Variants in SART1 observed in about 807,000 individuals in gnomAD.
SART1 encodes U4/U6.U5 tri-snRNP-associated protein 1.
Under a neutral mutation model 105.0 loss-of-function variants are expected in SART1, and 28 were observed. That is an observed-to-expected ratio of 0.27 (90% CI 0.20 to 0.37). SART1 has a LOEUF of 0.37. SART1 is among the 10% of genes least tolerant of loss of function. SART1 has a pLI of 1.00. For missense variants in SART1, 894 were observed against 1,106.5 expected (o/e 0.81, Z 2.72); for synonymous variants, 472 against 462.9 (o/e 1.02, Z -0.25).
chr11:65,965,617 T>C (rs1855234550), intron 5 of SART1, 85 bp from the exon 6 acceptor site: 2 of 1,442,850 alleles, frequency 1.4e-6, no homozygotes, highest in Non-Finnish European at 1.9e-6. Flanking sequence ...CCTGCCCTTT[T>C]TGCACTCCGC....
rs578051718 is a variant in SART1, at chr11:65,961,839, C to T, written c.59C>T (p.Ala20Val). The T allele has an allele frequency of 1.5e-5, 24 of 1,569,758 alleles. No individual in the cohort carries two copies. The African/African-American group carries it at 2.8e-4, about 19-fold the overall frequency. Reference protein sequence around the residue: ...EKEAAGTTAAAGTGGATEQPP... With the variant: ...EKEAAGTTAAVGTGGATEQPP... The stretch of plus-strand genomic sequence containing the variant: ...GAGGCGGCCGGGACGACGGCGGCGG[C>T]CGGCACCGGGGGTGCCACCGAGCAG... Residue 20 changes from alanine (A) to valine (V), a missense_variant, in exon 1 of 20, where the codon GCC (alanine) becomes GTC (valine). Ala to Val is a moderately conservative substitution (Grantham distance 64). Transcript: ENST00000312397.
chr11:65,979,973 CGTG>C lies in SART1; in HGVS notation c.*950_*952del, dbSNP rs1369480354. ...ACCAAAAATACAAAGATTAGCCAGG[CGTG>C]GTGGTGAGCGCCTGTAGTCCCAGCT... On this transcript the variant is annotated 3_prime_UTR_variant, in exon 20 of 20. Coordinates refer to ENST00000312397, the MANE Select transcript of SART1 (RefSeq NM_005146.5). 6.6e-6 allele frequency: 1 copy of C among 151,966 alleles called. No homozygotes were observed. Among genetic ancestry groups the C allele is most frequent in the Non-Finnish European group, 1.5e-5 (1 of 68,006 alleles). 9.4% of individuals were successfully genotyped at this position (151,966 alleles called of 1,614,324 possible).
intron 15 of SART1, 75 bp downstream of exon 15, chr11:65,977,176 C>T (rs887731999): frequency 4.6e-6 from 5 of 1,078,008 alleles, no homozygotes; most frequent in Middle Eastern, 2.6e-4. Context: ...CCCCTCCGGT[C>T]CCCTCTGCTG....
intron 2 of SART1, 161 bp from the exon 3 acceptor site, chr11:65,964,354 C>T (rs1855205550): frequency 2.2e-6 from 2 of 919,070 alleles, no homozygotes; most frequent in African/African-American, 3.3e-5. Flanking sequence ...ATGTTTCCTG[C>T]TTTGGAGGCC....
At chr11:65,966,880 G>T (rs1251834772) in intron 9 of SART1, among the ~76,000 whole-genome samples, 2 of 152,154 alleles carry the variant, frequency 1.3e-5, no homozygotes, top group Non-Finnish European at 2.9e-5. Flanking sequence ...GAGGATGAGT[G>T]ACAGCGTGGG....
chr11:65,973,685 G>T (rs1412759446), intron 12 of SART1, among the ~76,000 whole-genome samples: 1 of 152,226 alleles, frequency 6.6e-6, no homozygotes, highest in Non-Finnish European at 1.5e-5. Flanking sequence ...CAGTGGGCCT[G>T]CAGCCGCAGT....
At position 65,976,605 on chromosome 11, in the gene SART1, G is replaced by C. The variant is rs1468956559; in HGVS notation, c.1746+37G>C. On this transcript the variant is annotated intron_variant, in intron 13 of 19. Coordinates refer to ENST00000312397, the MANE Select transcript of SART1 (RefSeq NM_005146.5). This position sits in a 1 kb window ranked among gnomAD's most constrained non-coding sequence, Gnocchi z 5.1. The stretch of plus-strand genomic sequence containing the variant: ...GCGGCCCCGCCCTCTGCTTCCCTCG[G>C]CTGGGTGGGCTGGCTGGGGCCTGGG... 1 of 1,613,482 alleles carries C rather than the reference G, an allele frequency of 6.2e-7. No individual in the cohort carries two copies.
chr11:65,976,272 G>C lies in SART1; in HGVS notation c.1573-123G>C. 1 of 949,408 alleles carries C rather than the reference G, an allele frequency of 1.1e-6. No individual in the cohort carries two copies. The allele number at this position is 949,408 out of a possible 1,614,324, so 58.8% of individuals were successfully genotyped here. ...GGAGTTAGGCGGCAGATAGCAGCTG[G>C]GCCTGCATGGGCTGTGGGCGTGGCC... On this transcript the variant is annotated intron_variant, in intron 12 of 19. Coordinates refer to ENST00000312397, the MANE Select transcript of SART1 (RefSeq NM_005146.5). The surrounding 1 kb of genome is among the most constrained non-coding windows in gnomAD (Gnocchi z 5.1).
At position 65,976,753 on chromosome 11, in the gene SART1, A is replaced by C; in HGVS notation, c.1844A>C (p.Lys615Thr). 1 of 1,610,448 alleles carries C rather than the reference A, an allele frequency of 6.2e-7. No individual in the cohort carries two copies. Reference sequence around the variant, plus strand: ...AGCACGGTGAACCTGGACGAGGAGAAGCAGCAGCAGGATGTGAGGGCCGCG... The same window carrying C: ...AGCACGGTGAACCTGGACGAGGAGACGCAGCAGCAGGATGTGAGGGCCGCG... ...GWSTVNLDEE[K>T]QQQDFSASST... Residue 615 changes from lysine (K) to threonine (T), a missense_variant, in exon 14 of 20, where the codon AAG becomes ACG. Coordinates refer to ENST00000312397, the MANE Select transcript of SART1 (RefSeq NM_005146.5). The surrounding 1 kb of genome is among the most constrained non-coding windows in gnomAD (Gnocchi z 5.1).
At chr11:65,971,280 G>A (rs1590639763) in intron 12 of SART1, among the ~76,000 whole-genome samples, 3 of 11,074 alleles carry the variant, frequency 2.7e-4, no homozygotes, top group African/African-American at 2.2e-3. Context: ...CTGAGGAGGG[G>A]GATGGTGGGA....
chr11:65,970,614 T>C (rs1855355196), intron 12 of SART1, among the ~76,000 whole-genome samples: 1 of 117,822 alleles, frequency 8.5e-6, no homozygotes, highest in South Asian at 2.8e-4. Flanking sequence ...CCATGGCCGA[T>C]TGTTCTGGTG....
intron 12 of SART1, among the ~76,000 whole-genome samples, chr11:65,969,546 C>T (rs1429536789): frequency 6.6e-6 from 1 of 152,172 alleles, no homozygotes. Context: ...AACTCCTGGG[C>T]TCAAGGGATC....
At position 65,967,769 on chromosome 11, in the gene SART1, G is replaced by A. The variant is rs1446162406; in HGVS notation, c.1520G>A (p.Arg507His). The part of the protein sequence containing the change: ...LELQKQLEKG[R>H]RLRQLQQLQQ... The stretch of plus-strand genomic sequence containing the variant: ...CTGCAGAAGCAGCTGGAGAAGGGAC[G>A]CCGGCTGCGACAGTTACAGCAGCTA... Residue 507 changes from arginine (R) to histidine (H), a missense_variant, in exon 12 of 20, where the codon CGC becomes CAC. Transcript: ENST00000312397. The A allele has an allele frequency of 1.5e-5, 24 of 1,550,154 alleles. No homozygotes were observed. Among genetic ancestry groups the A allele is most frequent in the East Asian group, 1.5e-4 (6 of 41,138 alleles).
At position 65,966,232 on chromosome 11, in the gene SART1, A is replaced by C. The variant is rs1302960391; in HGVS notation, c.981+14A>C. 1 of 1,613,930 alleles carries C rather than the reference A, an allele frequency of 6.2e-7. No individual in the cohort carries two copies. Among genetic ancestry groups the C allele is most frequent in the Non-Finnish European group, 8.5e-7 (1 of 1,179,996 alleles). On this transcript the variant is annotated intron_variant, in intron 8 of 19. Coordinates refer to ENST00000312397, the MANE Select transcript of SART1 (RefSeq NM_005146.5). ...GACCTGGCGCAGGCACGGCCTGGGC[A>C]GGCTGGGTGGCGGGGGCTGAGGTGG...
chr11:65,962,126 C>CGGGGGGGGGGGGGGGGGG, intron 1 of SART1, 33 bp downstream of exon 1: 6 of 25,810 alleles, frequency 2.3e-4, no homozygotes, highest in Non-Finnish European at 2.6e-4. Flanking sequence ...GGGGGCGGGT[C>CGGGGGGGGGGGGGGGGGG]GGGCGGGGGT....
intron 15 of SART1, 54 bp downstream of exon 15, chr11:65,977,155 G>A (rs1855499523): frequency 7.5e-7 from 1 of 1,342,260 alleles, no homozygotes; most frequent in Admixed American, 1.7e-5. Context: ...TGCTGCAGGT[G>A]CAGGCAGGGC....
intron 9 of SART1, 136 bp downstream of exon 9, chr11:65,966,692 A>T (rs1190559462): frequency 9.8e-7 from 1 of 1,016,676 alleles, no homozygotes; most frequent in East Asian, 2.7e-5. Context: ...TGAGCACTAA[A>T]TGGCAACCGG....
Position 65,978,700 on chromosome 11 carries a change from T to C in SART1, c.2262+11T>C. 1 of 1,612,896 alleles carries C rather than the reference T, an allele frequency of 6.2e-7. No individual in the cohort carries two copies. The highest frequency in any genetic ancestry group is 8.5e-7 in the Non-Finnish European group (1 of 1,179,476). ...CTGGACGAGGAGGCGGTGGGTGCCC[T>C]TGGGGATGTGGGGGGCCCTGTGCCT... On this transcript the variant is annotated intron_variant, in intron 18 of 19. Transcript: ENST00000312397. The surrounding 1 kb of genome is among the most constrained non-coding windows in gnomAD (Gnocchi z 6.8).
At position 65,965,703 on chromosome 11, in the gene SART1, C is replaced by T; in HGVS notation, c.662C>T (p.Ala221Val). 6.2e-7 allele frequency: 1 copy of T among 1,613,614 alleles called. No homozygotes were observed. Among genetic ancestry groups the T allele is most frequent in the Non-Finnish European group, 8.5e-7 (1 of 1,179,814 alleles). ...AGGTCACCCCTCCCTGTCCCGTAGG[C>T]CAAGTTACTGGAGGAGATGGACCAA... Reference protein sequence around the residue: ...QKEKDLAEKRAKLLEEMDQEF... With the variant: ...QKEKDLAEKRVKLLEEMDQEF... Residue 221 changes from alanine (A) to valine (V), a missense_variant and splice_region_variant, in exon 6 of 20, where the codon GCC becomes GTC. Ala to Val is a moderately conservative substitution (Grantham distance 64). Around this residue, in one of 2 missense-constraint regions of SART1, gnomAD observed 712 missense variants for 778.2 expected, o/e 0.91. Transcript: ENST00000312397.
Sources: gnomAD v4.1 joint callset for allele counts (sites outside exome capture counted in the v4.1 genomes callset) on GRCh38, gnomAD v4.1.1 for gene constraint, gnomAD v4.1.1 regional missense constraint, Gnocchi (gnomAD v3.1) non-coding constraint, MANE v1.5 for transcripts, NCBI Gene and HGNC (gene_info 2026-07-23, HGNC 2026-07-21) for gene names.